The following MAF variants were observed in gnomAD, a reference collection of about 807,000 sequenced individuals.
The protein encoded by MAF is MAF bZIP transcription factor.
A neutral mutation model predicts 22.0 loss-of-function variants in MAF; 10 were observed. The ratio of observed to expected loss-of-function variants is 0.45; its 90% CI spans 0.28 to 0.77. The LOEUF (loss-of-function observed/expected upper bound fraction) is 0.77, where lower values mean the gene tolerates loss of function less well. Among genes scored for constraint, MAF ranks in the 30% least tolerant of loss-of-function variants. MAF has a pLI of 0.12. For missense variants in MAF, 544 were observed against 548.4 expected (o/e 0.99, Z 0.08); for synonymous variants, 337 against 255.8 (o/e 1.32, Z -3.03).
At chr16:79,575,868 C>T in the MAF span, among the ~76,000 whole-genome samples, 1 of 152,120 alleles carries the variant, frequency 6.6e-6, no homozygotes, top group African/African-American at 2.4e-5. Context: ...CTTATACTAC[C>T]TCTGCTTTCC....
At chr16:79,234,693 C>A in the MAF span, among the ~76,000 whole-genome samples, 1 of 152,022 alleles carries the variant, frequency 6.6e-6, no homozygotes, top group African/African-American at 2.4e-5. Flanking sequence ...AGTGGTAGCC[C>A]CTGACTTTAG....
At chr16:79,433,229 G>A in the MAF span, among the ~76,000 whole-genome samples, 30 of 147,794 alleles carry the variant, frequency 2.0e-4, 1 homozygote, top group Non-Finnish European at 1.5e-5. Context: ...AGGATTCAAA[G>A]TAGCTTAAGG....
At chr16:79,239,435 G>C in the MAF span, among the ~76,000 whole-genome samples, 1 of 151,988 alleles carries the variant, frequency 6.6e-6, no homozygotes, top group Non-Finnish European at 1.5e-5. Flanking sequence ...GTTATCTGGG[G>C]GATGGTTTGT....
the MAF span, among the ~76,000 whole-genome samples, chr16:79,543,322 C>T: frequency 3.3e-5 from 5 of 152,292 alleles, no homozygotes; most frequent in African/African-American, 1.2e-4. Flanking sequence ...GGATCAATCC[C>T]GGTCAGACAC....
the MAF span, among the ~76,000 whole-genome samples, chr16:79,481,678 A>G: frequency 1.3e-5 from 2 of 151,828 alleles, no homozygotes; most frequent in Admixed American, 6.6e-5. Context: ...TCATCCACCA[A>G]TTTACCTATC....
the MAF span, among the ~76,000 whole-genome samples, chr16:79,214,149 A>G: frequency 6.6e-6 from 1 of 151,600 alleles, no homozygotes; most frequent in African/African-American, 2.4e-5. Flanking sequence ...CCCCATTCTT[A>G]TTCCCCTTCC....
the MAF span, among the ~76,000 whole-genome samples, chr16:79,285,324 A>C: frequency 2.0e-5 from 3 of 152,144 alleles, no homozygotes; most frequent in Non-Finnish European, 4.4e-5. Context: ...CGCTTTCCTT[A>C]GGTCCATTCT....
chr16:79,573,245 G>C, the MAF span, among the ~76,000 whole-genome samples: 1 of 152,094 alleles, frequency 6.6e-6, no homozygotes, highest in Non-Finnish European at 1.5e-5. Flanking sequence ...GTTTTGTTGT[G>C]CTTTTGCTCT....
the MAF span, among the ~76,000 whole-genome samples, chr16:79,273,586 C>T: frequency 6.6e-6 from 1 of 152,164 alleles, no homozygotes; most frequent in Non-Finnish European, 1.5e-5. Context: ...TTTCCAGCTT[C>T]TAGAGGCTGC....
chr16:79,215,850 T>G, the MAF span, among the ~76,000 whole-genome samples: 1 of 152,200 alleles, frequency 6.6e-6, no homozygotes, highest in East Asian at 1.9e-4. Context: ...CCTACTCCAC[T>G]TTATCAGAAG....
chr16:79,383,439 C>T, the MAF span, among the ~76,000 whole-genome samples: 1 of 152,084 alleles, frequency 6.6e-6, no homozygotes, highest in Non-Finnish European at 1.5e-5. Flanking sequence ...GTTTCAGAAT[C>T]TATATGATGG....
chr16:79,566,779 C>A, the MAF span, among the ~76,000 whole-genome samples: 1 of 152,218 alleles, frequency 6.6e-6, no homozygotes, highest in Non-Finnish European at 1.5e-5. Flanking sequence ...TCCTTCCACA[C>A]TTCATGGAAA....
chr16:79,590,946 G>C (rs145080873), downstream of MAF, among the ~76,000 whole-genome samples: 739 of 152,192 alleles, frequency 4.9e-3, 4 homozygotes, highest in African/African-American at 0.017. Flanking sequence ...CTCAAGAAGT[G>C]GATGAGGTCA....
the MAF span, among the ~76,000 whole-genome samples, chr16:79,445,695 T>C: frequency 0.031 from 4,646 of 152,302 alleles, 235 homozygotes; most frequent in African/African-American, 0.11. Flanking sequence ...TGTCGACTGA[T>C]TGACAGCAAA....
At chr16:79,528,660 A>G in the MAF span, among the ~76,000 whole-genome samples, 2 of 148,876 alleles carry the variant, frequency 1.3e-5, no homozygotes, top group African/African-American at 4.9e-5. Context: ...CGAAGGGAGA[A>G]AAAAAAAAAA....
chr16:79,568,127 T>C, the MAF span, among the ~76,000 whole-genome samples: 1 of 152,228 alleles, frequency 6.6e-6, no homozygotes, highest in East Asian at 1.9e-4. Flanking sequence ...AGAGGGAGTC[T>C]GTTTCTCAAT....
At chr16:79,397,757 C>G in the MAF span, among the ~76,000 whole-genome samples, 2 of 152,124 alleles carry the variant, frequency 1.3e-5, no homozygotes, top group African/African-American at 4.8e-5. Flanking sequence ...CAGGCTGGCT[C>G]TAAGGGTAGA....
chr16:79,384,809 G>C, the MAF span, among the ~76,000 whole-genome samples: 3 of 152,290 alleles, frequency 2.0e-5, no homozygotes, highest in African/African-American at 7.2e-5. Flanking sequence ...CTCACTTTGG[G>C]GAAGTGAAGA....
the MAF span, among the ~76,000 whole-genome samples, chr16:79,334,005 G>A: frequency 6.6e-6 from 1 of 152,206 alleles, no homozygotes; most frequent in Non-Finnish European, 1.5e-5. Context: ...TTTCCCATGA[G>A]ACATCTCACT....
Sources: allele counts gnomAD v4.1 joint callset (sites outside exome capture counted in the v4.1 genomes callset), GRCh38; gene constraint gnomAD v4.1.1; transcripts MANE v1.5; gene names NCBI Gene and HGNC (gene_info 2026-07-23, HGNC 2026-07-21).